Variants in SDCCAG8 observed in about 807,000 individuals in gnomAD.
The protein encoded by SDCCAG8 is serologically defined colon cancer antigen 8.
In SDCCAG8, 74 loss-of-function variants were observed where a neutral mutation model predicts 101.8. The observed-to-expected ratio is 0.73, with a 90% CI of 0.60 to 0.88. The LOEUF (loss-of-function observed/expected upper bound fraction) is 0.88. Ranked by LOEUF, SDCCAG8 falls within the 40% of genes least tolerant of loss-of-function variation. The pLI is 0.00. For missense variants in SDCCAG8, 787 were observed against 822.6 expected (o/e 0.96, Z 0.53); for synonymous variants, 281 against 292.9 (o/e 0.96, Z 0.41).
chr1:243,380,823 C>G (rs2077899408), intron 13 of SDCCAG8, among the ~76,000 whole-genome samples: 1 of 152,032 alleles, frequency 6.6e-6, no homozygotes. Flanking sequence ...TTTATAAAAT[C>G]CACATTCATA....
intron 16 of SDCCAG8, among the ~76,000 whole-genome samples, chr1:243,450,177 G>A (rs891357006): frequency 1.3e-5 from 2 of 152,174 alleles, no homozygotes; most frequent in African/African-American, 4.8e-5. Context: ...GGTCTTCAAT[G>A]TGAACCATGT....
chr1:243,310,797 AAAG>A (rs1218539769), intron 8 of SDCCAG8, among the ~76,000 whole-genome samples: 1 of 152,220 alleles, frequency 6.6e-6, no homozygotes, highest in Non-Finnish European at 1.5e-5. Flanking sequence ...CAAAGTAGGT[AAAG>A]AATAGAAATC....
chr1:243,488,628 C>G lies in SDCCAG8; in HGVS notation c.1986-386C>G, dbSNP rs371887107. Among the ~76,000 whole-genome samples, 796 of 152,302 alleles carry G rather than the reference C, an allele frequency of 5.2e-3. 5 individuals carry two copies. Among genetic ancestry groups the G allele is most frequent in the African/African-American group, 0.018 (730 of 41,556 alleles). ...ACTTCAGTGTTTCCACGGCCCTCAC[C>G]CACTTCCCCAGCCGGGGCGGCCGTC... is the stretch of plus-strand genomic sequence containing the variant. On this transcript the variant is annotated intron_variant, in intron 16 of 17. Transcript: ENST00000366541.
Position 243,326,877 on chromosome 1 carries a change from G to A in SDCCAG8, c.1069-3663G>A, listed in dbSNP as rs146612926. On this transcript the variant is annotated intron_variant, in intron 9 of 17. Transcript: ENST00000366541. ...TTGACTAGATATAAATTTTGTTTTC[G>A]AAAATATTTTGACTGCCTAAGATAG... Among the ~76,000 whole-genome samples the A allele has an allele frequency of 1.9e-3, 287 of 152,152 alleles. 1 individual carries two copies. Among genetic ancestry groups the A allele is most frequent in the African/African-American group, 5.6e-3 (234 of 41,522 alleles).
intron 2 of SDCCAG8, 133 bp downstream of exon 2, chr1:243,270,390 T>A (rs2067989785): frequency 1.0e-6 from 1 of 972,708 alleles, no homozygotes. Context: ...ATAATTTAAT[T>A]CCCTCGCTTA....
intron 16 of SDCCAG8, among the ~76,000 whole-genome samples, chr1:243,477,020 A>ACG (rs1354354120): frequency 2.0e-5 from 2 of 101,148 alleles, no homozygotes; most frequent in East Asian, 3.8e-4. Context: ...ACACACACAC[A>ACG]CACACACACA....
intron 1 of SDCCAG8, among the ~76,000 whole-genome samples, chr1:243,260,637 G>A (rs374254243): frequency 5.3e-5 from 8 of 152,216 alleles, no homozygotes; most frequent in East Asian, 3.9e-4. Flanking sequence ...TTGCTGCAGC[G>A]TTGGGAATAG....
At chr1:243,482,823 C>G (rs1399779515) in intron 16 of SDCCAG8, among the ~76,000 whole-genome samples, 2 of 152,130 alleles carry the variant, frequency 1.3e-5, no homozygotes, top group Non-Finnish European at 2.9e-5. Flanking sequence ...GCAATCCCTG[C>G]CTGTTGCAAA....
intron 12 of SDCCAG8, among the ~76,000 whole-genome samples, chr1:243,369,970 C>T (rs1161679905): frequency 6.6e-6 from 1 of 152,056 alleles, no homozygotes; most frequent in Admixed American, 6.6e-5. Context: ...TTATCCATTT[C>T]AATCTGTAAT....
chr1:243,473,503 G>A (rs1434610747), intron 16 of SDCCAG8, among the ~76,000 whole-genome samples: 1 of 152,150 alleles, frequency 6.6e-6, no homozygotes, highest in Non-Finnish European at 1.5e-5. Flanking sequence ...GTTACATGTC[G>A]CTTCTTATGA....
At chr1:243,438,734 A>T (rs562042783) in intron 16 of SDCCAG8, among the ~76,000 whole-genome samples, 1 of 152,334 alleles carries the variant, frequency 6.6e-6, no homozygotes, top group South Asian at 2.1e-4. Flanking sequence ...CGTTTTCAGT[A>T]CCATGAGGCT....
intron 6 of SDCCAG8, among the ~76,000 whole-genome samples, chr1:243,303,340 G>T (rs1383523329): frequency 7.9e-5 from 12 of 152,232 alleles, no homozygotes; most frequent in African/African-American, 2.7e-4. Flanking sequence ...AAGAAGGATA[G>T]ATATCATATA....
At chr1:243,381,286 G>T (rs2077933793) in intron 13 of SDCCAG8, among the ~76,000 whole-genome samples, 1 of 151,954 alleles carries the variant, frequency 6.6e-6, no homozygotes, top group Non-Finnish European at 1.5e-5. Flanking sequence ...TCTCCTTATG[G>T]GATTTTAAAA....
At chr1:243,476,832 A>G (rs1662507143) in intron 16 of SDCCAG8, among the ~76,000 whole-genome samples, 2 of 152,242 alleles carry the variant, frequency 1.3e-5, no homozygotes, top group Non-Finnish European at 2.9e-5. Flanking sequence ...CAAGATTAGA[A>G]TCCAATTCAG....
intron 17 of SDCCAG8, among the ~76,000 whole-genome samples, chr1:243,496,532 A>G (rs775198411): frequency 3.9e-5 from 6 of 152,190 alleles, no homozygotes; most frequent in Non-Finnish European, 8.8e-5. Flanking sequence ...CGTGCCAGTG[A>G]GCAGAGCGGA....
intron 4 of SDCCAG8, among the ~76,000 whole-genome samples, chr1:243,280,746 T>C (rs1331907164): frequency 6.6e-6 from 1 of 152,194 alleles, no homozygotes; most frequent in African/African-American, 2.4e-5. Flanking sequence ...TATCGTTCTG[T>C]TATTGATTTC....
intron 13 of SDCCAG8, among the ~76,000 whole-genome samples, chr1:243,383,844 T>C (rs1264824837): frequency 6.6e-6 from 1 of 152,216 alleles, no homozygotes; most frequent in Non-Finnish European, 1.5e-5. Context: ...TCTTACCTGC[T>C]GATTTCCAGA....
At chr1:243,372,952 ATC>A (rs952700639) in intron 12 of SDCCAG8, among the ~76,000 whole-genome samples, 2,905 of 138,698 alleles carry the variant, frequency 0.021, 46 homozygotes, top group African/African-American at 0.051. Context: ...ATCTATATCT[ATC>A]TATATATATA....
At chr1:243,443,604 A>G (rs1476816470) in intron 16 of SDCCAG8, among the ~76,000 whole-genome samples, 3 of 152,194 alleles carry the variant, frequency 2.0e-5, no homozygotes, top group African/African-American at 7.2e-5. Flanking sequence ...GTAAGCTCTT[A>G]ATGAGACTGG....
Sources: allele counts gnomAD v4.1 joint callset (sites outside exome capture counted in the v4.1 genomes callset), GRCh38; gene constraint gnomAD v4.1.1; transcripts MANE v1.5; gene names NCBI Gene and HGNC (gene_info 2026-07-23, HGNC 2026-07-21).